Variants in CEP350 observed in about 807,000 individuals in gnomAD.
CEP350 encodes centrosome-associated protein 350.
CEP350 carries 126 observed loss-of-function variants against 331.8 expected under a neutral mutation model. The ratio of observed to expected loss-of-function variants is 0.38; its 90% confidence interval spans 0.33 to 0.44. The LOEUF (loss-of-function observed/expected upper bound fraction) is 0.44. CEP350 is among the 20% of genes least tolerant of loss of function. The pLI is 1.00. For missense variants in CEP350, 3,406 were observed against 3,634.6 expected, an observed-to-expected ratio of 0.94 and a Z score of 1.62; for synonymous variants, 1,200 against 1,259.5, an observed-to-expected ratio of 0.95 and a Z score of 1.00.
At position 180,041,662 on chromosome 1, in the gene CEP350, G is replaced by T; in HGVS notation, c.4222G>T (p.Val1408Phe). 2.5e-6 allele frequency: 4 copies of T among 1,612,566 alleles called. No individual in the cohort carries two copies. Among genetic ancestry groups the T allele is most frequent in the Non-Finnish European group, 3.4e-6 (4 of 1,179,080 alleles). The change falls in exon 19 of 38, where the codon GTC becomes TTC. Residue 1408 changes from valine to phenylalanine, a missense_variant and splice_region_variant. By Grantham distance (50) the Val-to-Phe change is conservative (BLOSUM62 -1). Transcript: ENST00000367607. ...LEETRNKAAQ[V>F]HAESLQQVVQ... ...TTTTTTAAACCCCTTTTATTTAAAG[G>T]TCCATGCAGAATCATTACAGCAGGT... is the stretch of plus-strand genomic sequence containing the variant.
At position 179,956,527 on chromosome 1, in the gene CEP350, A is replaced by G. The variant is rs534857308; in HGVS notation, c.-14+1385A>G. Among the ~76,000 whole-genome samples, 4 of 152,306 alleles carry G rather than the reference A, an allele frequency of 2.6e-5. No homozygotes were observed. In the East Asian group the frequency reaches 7.7e-4, roughly 29 times the overall value. ...CAGCCAACCTTCTGTGGGGCAATCAATTTATGAATTATAAAGTTTTTGGAT... is the reference window on the plus strand; with the variant it reads ...CAGCCAACCTTCTGTGGGGCAATCAGTTTATGAATTATAAAGTTTTTGGAT... On this transcript the variant is annotated intron_variant, in intron 1 of 37. Coordinates refer to ENST00000367607, the MANE Select transcript of CEP350 (RefSeq NM_014810.5).
intron 37 of CEP350, among the ~76,000 whole-genome samples, chr1:180,101,013 G>A (rs558223781): frequency 1.5e-4 from 23 of 152,294 alleles, no homozygotes; most frequent in African/African-American, 5.5e-4. Context: ...CTTCCAGTAG[G>A]TGCCAAACAG....
At chr1:180,073,044 C>G (rs1016689283) in intron 27 of CEP350, among the ~76,000 whole-genome samples, 5 of 152,070 alleles carry the variant, frequency 3.3e-5, no homozygotes, top group African/African-American at 1.2e-4. Flanking sequence ...ATGGAATGTT[C>G]TTCTTACCTT....
At chr1:180,094,813 T>C (rs560088252) in intron 34 of CEP350, among the ~76,000 whole-genome samples, 197 bp downstream of exon 34, 74 of 152,302 alleles carry the variant, frequency 4.9e-4, no homozygotes, top group African/African-American at 1.7e-3. Context: ...TGAAGTGTAA[T>C]TGTCCTCTAT....
chr1:179,979,538 T>G (rs1652122486), intron 1 of CEP350, among the ~76,000 whole-genome samples: 1 of 152,036 alleles, frequency 6.6e-6, no homozygotes, highest in Non-Finnish European at 1.5e-5. Context: ...GTGCAGAAGC[T>G]TTTTAGGTTG....
Position 180,094,484 on chromosome 1 carries a change from A to G in CEP350, c.8379A>G (p.Gln2793=), listed in dbSNP as rs535631836. 11 of 1,613,840 alleles carry G rather than the reference A, an allele frequency of 6.8e-6. No individual in the cohort carries two copies. Among genetic ancestry groups the G allele is most frequent in the African/African-American group, 1.3e-5 (1 of 74,950 alleles). ...ATCAGGAGCTTCTTGGTGATGACCAAAAGAAAGTAACACCCCAAGACCTAT... is the reference window on the plus strand; with the variant it reads ...ATCAGGAGCTTCTTGGTGATGACCAGAAGAAAGTAACACCCCAAGACCTAT... The part of the protein sequence containing the change: ...LSNQELLGDD[Q]KKVTPQDLSQ... The change falls in exon 34 of 38, where the codon CAA becomes CAG. Residue 2793 remains glutamine, a synonymous_variant. Coordinates refer to ENST00000367607, the MANE Select transcript of CEP350 (RefSeq NM_014810.5).
intron 14 of CEP350, 50 bp from the exon 15 acceptor site, chr1:180,031,270 C>T (rs916726380): frequency 1.8e-6 from 2 of 1,092,454 alleles, no homozygotes; most frequent in Admixed American, 2.0e-5. Flanking sequence ...TTATCTCTCT[C>T]AATAACTTCT....
intron 1 of CEP350, among the ~76,000 whole-genome samples, chr1:179,978,903 A>G (rs1395543933): frequency 6.6e-6 from 1 of 152,042 alleles, no homozygotes; most frequent in African/African-American, 2.4e-5. Context: ...TATTTTTGTC[A>G]TTAGATCTAA....
intron 1 of CEP350, among the ~76,000 whole-genome samples, chr1:179,971,497 A>AT (rs112155234): frequency 0.14 from 20,667 of 150,998 alleles, 1,482 homozygotes; most frequent in South Asian, 0.16. Context: ...CTAATTAAAA[A>AT]TTTTTTTTTG....
At chr1:180,011,858 GT>G in intron 8 of CEP350, 70 bp from the exon 9 acceptor site, 1 of 994,090 alleles carries the variant, frequency 1.0e-6, no homozygotes, top group South Asian at 1.6e-5. Context: ...AATAAAACCT[GT>G]ATGGTTGAGT....
At chr1:180,073,591 G>C (rs1371943382) in intron 27 of CEP350, among the ~76,000 whole-genome samples, 1 of 152,140 alleles carries the variant, frequency 6.6e-6, no homozygotes, top group Non-Finnish European at 1.5e-5. Context: ...GTTTATTCAG[G>C]AATCATTGGT....
At chr1:180,043,495 C>G (rs1369979274) in intron 20 of CEP350, among the ~76,000 whole-genome samples, 2 of 152,094 alleles carry the variant, frequency 1.3e-5, no homozygotes, top group African/African-American at 2.4e-5. Flanking sequence ...GGAAATAAAG[C>G]TTGTGGTGCA....
rs1656662592 is a variant in CEP350 at position 180,040,138 on chromosome 1, TC to T, written c.4111-994del. Among the ~76,000 whole-genome samples the T allele has an allele frequency of 5.9e-5, 9 of 151,814 alleles. No homozygotes were observed. In the South Asian group the frequency reaches 1.9e-3, roughly 32 times the overall value. ...TGCAGAGATCCCATCATTCCTGCCCTCCCCCCGCCACTGCCCGACTAAATAA... is the reference window on the plus strand; with the variant it reads ...TGCAGAGATCCCATCATTCCTGCCCTCCCCCGCCACTGCCCGACTAAATAA... On this transcript the variant is annotated intron_variant, in intron 17 of 37. Coordinates refer to ENST00000367607, the MANE Select transcript of CEP350 (RefSeq NM_014810.5).
At position 180,020,994 on chromosome 1, in the gene CEP350, C is replaced by G; in HGVS notation, c.3220C>G (p.Gln1074Glu). ...CATTAATATTTTTACAAAATCCTAT[C>G]AGTTATATGGAAAAGGTGAGAAAAA... ...SVINIFTKSY[Q>E]LYGKGFEDKL... The change falls in exon 12 of 38, where the codon CAG (glutamine) becomes GAG (glutamate). Residue 1074 changes from glutamine to glutamate, a missense_variant. By Grantham distance (29) the Gln-to-Glu change is conservative. This residue lies in a region of CEP350 where 1,857 missense variants were observed against 1,909.2 expected (regional missense o/e 0.97). Coordinates refer to ENST00000367607, the MANE Select transcript of CEP350 (RefSeq NM_014810.5). 2 of 1,542,460 alleles carry G rather than the reference C, an allele frequency of 1.3e-6. No homozygotes were observed. Among genetic ancestry groups the G allele is most frequent in the Non-Finnish European group, 1.7e-6 (2 of 1,151,458 alleles).
intron 33 of CEP350, 130 bp downstream of exon 33, chr1:180,090,926 T>C (rs1432956545): frequency 5.4e-6 from 4 of 745,988 alleles, no homozygotes; most frequent in Non-Finnish European, 7.6e-6. Context: ...TTTAACATTT[T>C]AAAGTTACTT....
chr1:180,035,548 T>G (rs1365433493), intron 16 of CEP350, among the ~76,000 whole-genome samples: 1 of 152,182 alleles, frequency 6.6e-6, no homozygotes, highest in East Asian at 1.9e-4. Context: ...CCTAAAGAAT[T>G]AAGCTAAATC....
At chr1:180,011,679 T>G (rs1026697164) in intron 8 of CEP350, among the ~76,000 whole-genome samples, 1 of 152,202 alleles carries the variant, frequency 6.6e-6, no homozygotes, top group African/African-American at 2.4e-5. Flanking sequence ...GTTCTTGAGG[T>G]TTAGGAATCA....
chr1:180,081,521 G>A (rs1571971607), intron 30 of CEP350, among the ~76,000 whole-genome samples: 1 of 152,256 alleles, frequency 6.6e-6, no homozygotes, highest in Non-Finnish European at 1.5e-5. Flanking sequence ...ATGCAGTCAT[G>A]CATCACTTAA....
chr1:180,057,464 T>C (rs1288202763), intron 25 of CEP350, among the ~76,000 whole-genome samples: 1 of 152,036 alleles, frequency 6.6e-6, no homozygotes, highest in Middle Eastern at 3.2e-3. Flanking sequence ...GTTTCTTCCC[T>C]GTCTGCTTGT....
Sources: allele counts gnomAD v4.1 joint callset (sites outside exome capture counted in the v4.1 genomes callset), GRCh38; gene constraint gnomAD v4.1.1; regional missense constraint gnomAD v4.1.1; transcripts MANE v1.5; gene names NCBI Gene and HGNC (gene_info 2026-07-23, HGNC 2026-07-21).